FREM1: variants seen among roughly 807,000 people sequenced by gnomAD.
FREM1 encodes FRAS1-related extracellular matrix protein 1.
FREM1 carries 220 observed loss-of-function variants against 210.1 expected under a neutral mutation model. That is an observed-to-expected ratio of 1.05 (90% confidence interval 0.94 to 1.17). FREM1 has a LOEUF of 1.17. FREM1 is among the 50% of genes most tolerant of loss of function. The probability of loss-of-function intolerance (pLI) is 0.00; values close to 1 mark genes in which losing one functional copy is unlikely to be tolerated. For missense variants in FREM1, 3,454 were observed against 2,675.5 expected, an observed-to-expected ratio of 1.29 and a Z score of -6.42; for synonymous variants, 1,189 against 980.2, an observed-to-expected ratio of 1.21 and a Z score of -3.98.
chr9:14,771,758 C>G (rs143782438), intron 25 of FREM1, among the ~76,000 whole-genome samples: 1 of 152,020 alleles, frequency 6.6e-6, no homozygotes, highest in African/African-American at 2.4e-5. Flanking sequence ...AATGATAAGA[C>G]CATGTATATT....
intron 36 of FREM1, among the ~76,000 whole-genome samples, chr9:14,738,623 A>T (rs1369028776): frequency 6.6e-6 from 1 of 152,170 alleles, no homozygotes; most frequent in Non-Finnish European, 1.5e-5. Context: ...GGGAACTATT[A>T]CAGTTCCCTC....
At position 14,859,203 on chromosome 9, in the gene FREM1, T is replaced by C. The variant is rs368783408; in HGVS notation, c.611A>G (p.His204Arg). 3 of 1,590,354 alleles carry C rather than the reference T, an allele frequency of 1.9e-6. No individual in the cohort carries two copies. Among genetic ancestry groups the C allele is most frequent in the African/African-American group, 1.4e-5 (1 of 73,946 alleles). The change falls in exon 4 of 37, where the codon CAC becomes CGC. Residue 204 changes from histidine (H) to arginine (R), a missense_variant. Physicochemically the swap from His to Arg is conservative, Grantham distance 29. Coordinates refer to ENST00000380880, the MANE Select transcript of FREM1 (RefSeq NM_001379081.2). The stretch of plus-strand genomic sequence containing the variant: ...CATACGGGACTCTGGGAAAAAACTG[T>C]GTGGCTGATCTCCACGAGGTTCTTC... ...RPEEPRGDQP[H>R]SFFPESQLRA...
chr9:14,883,963 C>A (rs1314113705), intron 1 of FREM1, among the ~76,000 whole-genome samples: 1 of 152,172 alleles, frequency 6.6e-6, no homozygotes, highest in African/African-American at 2.4e-5. Flanking sequence ...TGATTCAAAT[C>A]CTTGAAACAA....
rs529664813 is a variant in FREM1 at position 14,903,991 on chromosome 9, A to G, written c.-268+5923T>C. On this transcript the variant is annotated intron_variant, in intron 1 of 36. Coordinates refer to ENST00000380880, the MANE Select transcript of FREM1 (RefSeq NM_001379081.2). ...AAAAAAATTAGCTGGGCGTGGTGGC[A>G]GGCGCCTGTAGTCCCAGCTGCTTGG... Among the ~76,000 whole-genome samples, 566 of 151,834 alleles carry G rather than the reference A, an allele frequency of 3.7e-3. 4 individuals carry two copies. Among genetic ancestry groups the G allele is most frequent in the African/African-American group, 0.013 (532 of 41,406 alleles).
intron 23 of FREM1, among the ~76,000 whole-genome samples, chr9:14,786,857 G>A (rs1204603082): frequency 6.6e-6 from 1 of 152,176 alleles, no homozygotes; most frequent in Non-Finnish European, 1.5e-5. Flanking sequence ...AATACATCAA[G>A]GAAGTAAGAA....
At chr9:14,902,877 T>G (rs1839031306) in intron 1 of FREM1, among the ~76,000 whole-genome samples, 2 of 152,222 alleles carry the variant, frequency 1.3e-5, no homozygotes, top group African/African-American at 4.8e-5. Flanking sequence ...AGTAATGTCT[T>G]AAGAATTTGG....
chr9:14,856,108 T>G (rs1828684276), intron 5 of FREM1, among the ~76,000 whole-genome samples: 1 of 152,184 alleles, frequency 6.6e-6, no homozygotes, highest in Non-Finnish European at 1.5e-5. Flanking sequence ...ACCAGCAATA[T>G]GCATAGTGCT....
chr9:14,759,862 G>T lies in FREM1; in HGVS notation c.5244C>A (p.Thr1748=). The T allele has an allele frequency of 6.2e-7, 1 of 1,610,212 alleles. No homozygotes were observed. Among genetic ancestry groups the T allele is most frequent in the Non-Finnish European group, 8.5e-7 (1 of 1,176,966 alleles). ...LKWSHIEWSQ[T]EYEVCENVGL... ...CCACATTCTCACAGACTTCATATTC[G>T]GTCTGTGACCATTCAATATGAGACC... Residue 1748 remains threonine, a synonymous_variant, in exon 28 of 37, where the codon ACC becomes ACA. Transcript: ENST00000380880.
intron 36 of FREM1, among the ~76,000 whole-genome samples, chr9:14,739,165 A>C (rs974682777): frequency 1.3e-5 from 2 of 151,668 alleles, no homozygotes; most frequent in African/African-American, 4.8e-5. Flanking sequence ...ATGCAGTGGC[A>C]CAATCACGGC....
At chr9:14,872,214 G>T (rs1444785324) in intron 1 of FREM1, among the ~76,000 whole-genome samples, 2 of 152,106 alleles carry the variant, frequency 1.3e-5, no homozygotes, top group African/African-American at 4.8e-5. Context: ...GAAAATCATT[G>T]GTAGCTTGAT....
Position 14,746,427 on chromosome 9 carries a change from G to C in FREM1, c.6180C>G (p.His2060Gln), listed in dbSNP as rs751278071. Reference protein sequence around the residue: ...DKSCPAGWHQHSGYCHILITE... With the variant: ...DKSCPAGWHQQSGYCHILITE... ...TGATCAAGATGTGACAGTAGCCTGA[G>C]TGCTGGTGCCACCCGGCTGGACAGG... is the stretch of plus-strand genomic sequence containing the variant. Residue 2060 changes from histidine (H) to glutamine (Q), a missense_variant, in exon 35 of 37, where the codon CAC becomes CAG. His to Gln is a conservative substitution (Grantham distance 24). Transcript: ENST00000380880. 1 of 1,613,898 alleles carries C rather than the reference G, an allele frequency of 6.2e-7. No homozygotes were observed. The highest frequency in any genetic ancestry group is 1.3e-5 in the African/African-American group (1 of 75,052).
At chr9:14,846,185 A>G (rs1826572804) in intron 7 of FREM1, 94 bp from the exon 8 acceptor site, 1 of 1,036,908 alleles carries the variant, frequency 9.6e-7, no homozygotes, top group Non-Finnish European at 1.4e-6. Context: ...AGCCATAAAA[A>G]ATAATGAGTT....
intron 4 of FREM1, 119 bp downstream of exon 4, chr9:14,859,064 T>C (rs1829325866): frequency 2.6e-6 from 2 of 780,946 alleles, no homozygotes; most frequent in Non-Finnish European, 2.0e-6. Context: ...TAACTGACAC[T>C]GTTCAGCCAG....
At chr9:14,787,792 T>A (rs1332276986) in intron 23 of FREM1, among the ~76,000 whole-genome samples, 1 of 152,222 alleles carries the variant, frequency 6.6e-6, no homozygotes, top group Non-Finnish European at 1.5e-5. Flanking sequence ...ATTACTTGTA[T>A]TACGATTTGC....
intron 1 of FREM1, among the ~76,000 whole-genome samples, chr9:14,890,015 T>C (rs1455398342): frequency 6.6e-6 from 1 of 152,234 alleles, no homozygotes; most frequent in Non-Finnish European, 1.5e-5. Flanking sequence ...AGATTCCCCA[T>C]TGTGTCCCTC....
At chr9:14,821,517 G>A (rs2642411) in intron 13 of FREM1, among the ~76,000 whole-genome samples, 121,053 of 152,132 alleles carry the variant, frequency 0.8, 48,258 homozygotes, top group East Asian at 0.93. Flanking sequence ...CTCATACATA[G>A]AAAAGAATGG....
rs1402652435 is a variant in FREM1 at position 14,875,796 on chromosome 9, C to T, written c.-267-6552G>A. 2.6e-5 allele frequency among the ~76,000 whole-genome samples: 4 copies of T among 152,152 alleles called. No homozygotes were observed. The East Asian group carries it at 7.7e-4, about 29-fold the overall frequency. On this transcript the variant is annotated intron_variant, in intron 1 of 36. Transcript: ENST00000380880. ...TTTTTCTGCTCTGTTTTTTCCCCAT[C>T]TTTGTGGTTTTATCTACTTTTGGTC... is the stretch of plus-strand genomic sequence containing the variant.
intron 25 of FREM1, among the ~76,000 whole-genome samples, chr9:14,771,148 A>T (rs1847495668): frequency 6.6e-6 from 1 of 152,180 alleles, no homozygotes; most frequent in Non-Finnish European, 1.5e-5. Flanking sequence ...CCATAATAGA[A>T]GCCCAGGGAA....
chr9:14,846,839 G>A (rs112530713), intron 7 of FREM1, among the ~76,000 whole-genome samples: 113 of 152,252 alleles, frequency 7.4e-4, no homozygotes, highest in African/African-American at 2.2e-3. Context: ...TCCCGGCCTC[G>A]ACCAACTGAC....
Sources: gnomAD v4.1 joint callset for allele counts (sites outside exome capture counted in the v4.1 genomes callset) on GRCh38, gnomAD v4.1.1 for gene constraint, MANE v1.5 for transcripts, NCBI Gene and HGNC (gene_info 2026-07-23, HGNC 2026-07-21) for gene names.